Variants in SHPRH observed in about 807,000 individuals in gnomAD.
SHPRH encodes SNF2 histone linker PHD RING helicase.
SHPRH carries 106 observed loss-of-function variants against 202.5 expected under a neutral mutation model. The observed-to-expected ratio is 0.52, with a 90% confidence interval of 0.45 to 0.62. The LOEUF (loss-of-function observed/expected upper bound fraction) is 0.62. Among genes scored for constraint, SHPRH ranks in the 20% least tolerant of loss-of-function variants. The pLI, the probability that SHPRH is intolerant of heterozygous loss-of-function variation, is 0.00. For synonymous variants in SHPRH, 729 were observed against 686.0 expected, an observed-to-expected ratio of 1.06 and a Z score of -0.98; for missense variants, 1,710 against 2,020.0, an observed-to-expected ratio of 0.85 and a Z score of 2.94.
intron 2 of SHPRH, among the ~76,000 whole-genome samples, 174 bp from the exon 3 acceptor site, chr6:145,952,652 C>T (rs1035152603): frequency 1.3e-5 from 2 of 152,004 alleles, no homozygotes; most frequent in Non-Finnish European, 2.9e-5. Context: ...TTTTCACTAA[C>T]AAATTATAAA....
At position 145,936,887 on chromosome 6, in the gene SHPRH, A is replaced by G. The variant is rs1232622871; in HGVS notation, c.2570-1446T>C. Among the ~76,000 whole-genome samples the G allele has an allele frequency of 2.6e-5, 4 of 151,744 alleles. No homozygotes were observed. The East Asian group carries it at 7.7e-4, about 29-fold the overall frequency. On this transcript the variant is annotated intron_variant, in intron 11 of 29. Coordinates refer to ENST00000275233, the MANE Select transcript of SHPRH (RefSeq NM_001042683.3). ...TTTAGCTCAAATCAATTCAATTGCTATATGTTACCTCTTTTTTGAGGTCCC... is the reference window on the plus strand; with the variant it reads ...TTTAGCTCAAATCAATTCAATTGCTGTATGTTACCTCTTTTTTGAGGTCCC...
At chr6:145,865,311 G>C (rs972412036) in intron 2 of SHPRH, among the ~76,000 whole-genome samples, 1 of 152,176 alleles carries the variant, frequency 6.6e-6, no homozygotes, top group Non-Finnish European at 1.5e-5. Flanking sequence ...ATTATAAAGA[G>C]ATACCAGAGA....
chr6:145,881,110 ATTG>A (rs1306662881), downstream of SHPRH, among the ~76,000 whole-genome samples: 9 of 152,190 alleles, frequency 5.9e-5, no homozygotes, highest in Non-Finnish European at 1.5e-5. Context: ...AATGTAAAAG[ATTG>A]TGTTTTTACT....
intron 9 of SHPRH, 57 bp downstream of exon 9, chr6:145,943,086 T>A (rs1786966789): frequency 1.3e-6 from 2 of 1,501,236 alleles, no homozygotes; most frequent in African/African-American, 1.4e-5. Context: ...TAGGAAACTA[T>A]CATGAAGAAG....
At chr6:145,952,144 A>G (rs1788041757) in intron 3 of SHPRH, among the ~76,000 whole-genome samples, 1 of 152,110 alleles carries the variant, frequency 6.6e-6, no homozygotes, top group Admixed American at 6.6e-5. Context: ...TTTCTTTAAT[A>G]TTTAATATAA....
At chr6:145,903,127 T>C (rs552791507) in intron 25 of SHPRH, 1 of 152,020 alleles carries the variant, frequency 6.6e-6, no homozygotes, top group East Asian at 1.9e-4. Flanking sequence ...TACCAGTTAA[T>C]GTTCATGTTA....
chr6:145,926,304 CAT>C lies in SHPRH; in HGVS notation c.3202-10_3202-9del. On this transcript the variant is annotated splice_polypyrimidine_tract_variant and intron_variant, in intron 15 of 29. Transcript: ENST00000275233. ...ATGGGTAGCATGAAGTCTCTACAAACATATCAAAGGCAGTAATTATGACAGTC... is the reference window on the plus strand; with the variant it reads ...ATGGGTAGCATGAAGTCTCTACAAACATCAAAGGCAGTAATTATGACAGTC... The C allele has an allele frequency of 6.2e-7, 1 of 1,611,394 alleles. No homozygotes were observed. Among genetic ancestry groups the C allele is most frequent in the Non-Finnish European group, 8.5e-7 (1 of 1,178,076 alleles).
chr6:145,863,061 T>C (rs762402597), downstream of SHPRH, among the ~76,000 whole-genome samples: 2 of 152,214 alleles, frequency 1.3e-5, no homozygotes, highest in Admixed American at 6.5e-5. Context: ...ATATCATGTA[T>C]TGAACAACAA....
intron 2 of SHPRH, among the ~76,000 whole-genome samples, chr6:145,875,815 C>T (rs371859518): frequency 1.3e-5 from 2 of 152,204 alleles, no homozygotes; most frequent in African/African-American, 4.8e-5. Context: ...AACATTTTAA[C>T]TGTGGCTGCC....
At chr6:145,920,168 T>C (rs544918048) in intron 21 of SHPRH, among the ~76,000 whole-genome samples, 4 of 152,146 alleles carry the variant, frequency 2.6e-5, no homozygotes, top group Non-Finnish European at 5.9e-5. Context: ...CTGGTAGATA[T>C]GTACAGCAGG....
At chr6:145,937,310 A>C (rs1012891926) in intron 11 of SHPRH, among the ~76,000 whole-genome samples, 2 of 152,120 alleles carry the variant, frequency 1.3e-5, no homozygotes, top group African/African-American at 4.8e-5. Flanking sequence ...TCACTGGGGA[A>C]ACCAGTCACC....
rs1062068 is a variant in SHPRH at position 145,886,329 on chromosome 6, A to G, written c.*362T>C. On this transcript the variant is annotated 3_prime_UTR_variant, in exon 30 of 30. Transcript: ENST00000275233. The stretch of plus-strand genomic sequence containing the variant: ...CTATGTTTGTTCAATATACCAGGTC[A>G]TATAAAACTAGACTAGTTTACTTTC... 0.38 allele frequency: 226,242 copies of G among 598,008 alleles called. 44,662 individuals carry two copies. Among genetic ancestry groups the G allele is most frequent in the South Asian group, 0.45 (21,444 of 47,582 alleles). 37.0% of individuals were successfully genotyped at this position (598,008 alleles called of 1,614,324 possible).
chr6:145,876,149 TAGCAGTCACTCC>T (rs1382168536), intron 2 of SHPRH, among the ~76,000 whole-genome samples: 3 of 152,172 alleles, frequency 2.0e-5, no homozygotes, highest in Non-Finnish European at 4.4e-5. Context: ...CCATGCCCAT[TAGCAGTCACTCC>T]AGTTCCTCTC....
intron 14 of SHPRH, among the ~76,000 whole-genome samples, chr6:145,928,378 T>C (rs148872066): frequency 1.3e-5 from 2 of 151,718 alleles, no homozygotes; most frequent in East Asian, 1.9e-4. Flanking sequence ...GGCAAAACCA[T>C]GCAATCCATA....
intron 8 of SHPRH, among the ~76,000 whole-genome samples, 180 bp from the exon 9 acceptor site, chr6:145,943,982 C>T (rs1787087886): frequency 6.6e-6 from 1 of 152,042 alleles, no homozygotes; most frequent in African/African-American, 2.4e-5. Flanking sequence ...ACCCTCACTT[C>T]ATCTCAAAAC....
At chr6:145,886,923 G>A in intron 29 of SHPRH, 136 bp from the exon 30 acceptor site, 1 of 814,036 alleles carries the variant, frequency 1.2e-6, no homozygotes, top group South Asian at 2.5e-5. Flanking sequence ...CCAGAGGAAA[G>A]CAAGTGATAA....
intron 25 of SHPRH, among the ~76,000 whole-genome samples, chr6:145,902,918 A>G (rs541993759): frequency 6.6e-6 from 1 of 152,206 alleles, no homozygotes; most frequent in African/African-American, 2.4e-5. Context: ...TCATAAAGAT[A>G]AGTTTTAGTT....
At chr6:145,941,506 T>C in intron 10 of SHPRH, 117 bp downstream of exon 10, 1 of 1,467,898 alleles carries the variant, frequency 6.8e-7, no homozygotes, top group East Asian at 2.3e-5. Flanking sequence ...TAACAAACTT[T>C]TGACCAATAT....
At chr6:145,944,177 T>C (rs773697792) in intron 8 of SHPRH, among the ~76,000 whole-genome samples, 5 of 152,152 alleles carry the variant, frequency 3.3e-5, no homozygotes, top group Non-Finnish European at 7.4e-5. Context: ...TACTAAAATA[T>C]AGCATCCAAA....
Sources: allele counts gnomAD v4.1 joint callset (sites outside exome capture counted in the v4.1 genomes callset), GRCh38; gene constraint gnomAD v4.1.1; transcripts MANE v1.5; gene names NCBI Gene and HGNC (gene_info 2026-07-23, HGNC 2026-07-21).